The following SUGP2 variants were observed in gnomAD, a reference collection of about 807,000 sequenced individuals.
The protein encoded by SUGP2 is SURP and G-patch domain containing 2.
In SUGP2, 24 loss-of-function variants were observed where a neutral mutation model predicts 90.5. The ratio of observed to expected loss-of-function variants is 0.27; its 90% CI spans 0.19 to 0.37. The LOEUF (loss-of-function observed/expected upper bound fraction) is 0.37. Ranked by LOEUF, SUGP2 falls within the 10% of genes least tolerant of loss-of-function variation. The probability of loss-of-function intolerance (pLI) is 1.00; values close to 1 mark genes in which losing one functional copy is unlikely to be tolerated. For missense variants in SUGP2, 1,233 were observed against 1,363.3 expected (o/e 0.90, Z 1.51); for synonymous variants, 473 against 513.4 (o/e 0.92, Z 1.06).
chr19:19,007,820 C>T (rs1160917559), intron 6 of SUGP2, among the ~76,000 whole-genome samples: 1 of 139,758 alleles, frequency 7.2e-6, no homozygotes, highest in Non-Finnish European at 1.5e-5. Flanking sequence ...AATGCAGTGG[C>T]TCAATCTCAG....
chr19:18,994,374 T>C lies in SUGP2; in HGVS notation c.3241A>G (p.Asn1081Asp). 1 of 1,614,186 alleles carries C rather than the reference T, an allele frequency of 6.2e-7. No individual in the cohort carries two copies. Among genetic ancestry groups the C allele is most frequent in the Non-Finnish European group, 8.5e-7 (1 of 1,180,000 alleles). Residue 1081 changes from asparagine (N) to aspartate (D), a missense_variant, in exon 10 of 11, where the codon AAC (asparagine) becomes GAC (aspartate). Transcript: ENST00000452918. ...MMQMYRHKRA[N>D]K is the part of the protein sequence containing the mutation. Reference sequence around the variant, plus strand: ...CTGGCCTGTGAACATACCTATTTGTTGGCCCGCTTGTGTCTGTACATCTGC... The same window carrying C: ...CTGGCCTGTGAACATACCTATTTGTCGGCCCGCTTGTGTCTGTACATCTGC...
chr19:18,995,353 G>A, intron 8 of SUGP2, 73 bp from the exon 9 acceptor site: 1 of 1,459,322 alleles, frequency 6.9e-7, no homozygotes. Context: ...CCTAGGCTAT[G>A]CCTGGAGCCC....
intron 7 of SUGP2, among the ~76,000 whole-genome samples, 181 bp from the exon 8 acceptor site, chr19:19,001,855 A>C (rs1406019929): frequency 2.6e-5 from 4 of 152,184 alleles, no homozygotes; most frequent in African/African-American, 9.6e-5. Flanking sequence ...TGACCCCTGG[A>C]GTGAGCAGAG....
chr19:18,994,793 G>C, intron 9 of SUGP2: 1 of 526,988 alleles, frequency 1.9e-6, no homozygotes, highest in Non-Finnish European at 3.4e-6. Context: ...TAAACTTTGG[G>C]CCTGTGTTCG....
rs1252392599 is a variant in SUGP2, at chr19:18,993,446, T to G, written c.*295A>C. ...TCAGCACTCACAGGCTGAGGTGCCTTTCGGGGGCAGCGCCACCTTCTGAAG... is the reference window on the plus strand; with the variant it reads ...TCAGCACTCACAGGCTGAGGTGCCTGTCGGGGGCAGCGCCACCTTCTGAAG... On this transcript the variant is annotated 3_prime_UTR_variant, in exon 11 of 11. Transcript: ENST00000452918. 1 of 152,202 alleles carries G rather than the reference T, an allele frequency of 6.6e-6. No individual in the cohort carries two copies. Among genetic ancestry groups the G allele is most frequent in the Non-Finnish European group, 1.5e-5 (1 of 68,036 alleles). The allele number at this position is 152,202 out of a possible 1,614,324, so 9.4% of individuals were successfully genotyped here.
chr19:19,005,175 A>G (rs543460016), intron 6 of SUGP2, among the ~76,000 whole-genome samples: 26 of 152,186 alleles, frequency 1.7e-4, no homozygotes, highest in Admixed American at 1.6e-3. Context: ...GGGCGTGGAG[A>G]TGAGGCCTCT....
At chr19:19,002,015 A>G (rs2057853453) in intron 7 of SUGP2, among the ~76,000 whole-genome samples, 1 of 152,200 alleles carries the variant, frequency 6.6e-6, no homozygotes, top group African/African-American at 2.4e-5. Flanking sequence ...CTACAGAAAT[A>G]TATTTTGCTT....
At position 19,025,552 on chromosome 19, in the gene SUGP2, G is replaced by C. The variant is rs912795078; in HGVS notation, c.796C>G (p.Gln266Glu). 6.2e-7 allele frequency: 1 copy of C among 1,613,902 alleles called. No homozygotes were observed. Among genetic ancestry groups the C allele is most frequent in the African/African-American group, 1.3e-5 (1 of 74,870 alleles). The change falls in exon 3 of 11, where the codon CAG (glutamine) becomes GAG (glutamate). Residue 266 changes from glutamine (Q) to glutamate (E), a missense_variant. By Grantham distance (29) the Gln-to-Glu change is conservative. This residue lies in a region of SUGP2 where 418 missense variants were observed against 399.9 expected (regional missense o/e 1.05). Coordinates refer to ENST00000452918, the MANE Select transcript of SUGP2 (RefSeq NM_001017392.5). ...PTVNRITPKT[Q>E]GTNQIQKNTP... ...TTTTTCTGGATTTGGTTAGTGCCCTGAGTTTTGGGAGTAATACGATTCACG... is the reference window on the plus strand; with the variant it reads ...TTTTTCTGGATTTGGTTAGTGCCCTCAGTTTTGGGAGTAATACGATTCACG...
rs2057445776 is a variant in SUGP2, at chr19:18,993,452, G to A, written c.*289C>T. On this transcript the variant is annotated 3_prime_UTR_variant, in exon 11 of 11. Coordinates refer to ENST00000452918, the MANE Select transcript of SUGP2 (RefSeq NM_001017392.5). ...CTCACAGGCTGAGGTGCCTTTCGGG[G>A]GCAGCGCCACCTTCTGAAGGGGAAC... 6.6e-6 allele frequency: 1 copy of A among 152,240 alleles called. No homozygotes were observed. The highest frequency in any genetic ancestry group is 1.5e-5 in the Non-Finnish European group (1 of 68,050). 9.4% of individuals were successfully genotyped at this position (152,240 alleles called of 1,614,324 possible). A position where few individuals can be genotyped will look rare whatever the true frequency, so the allele number is the denominator to read the frequency against.
chr19:19,009,695 A>G (rs2058228083), intron 5 of SUGP2, among the ~76,000 whole-genome samples, 160 bp downstream of exon 5: 1 of 152,182 alleles, frequency 6.6e-6, no homozygotes, highest in Non-Finnish European at 1.5e-5. Flanking sequence ...CAAGAAAGCA[A>G]GAGAGAAAGC....
At chr19:18,994,279 G>A (rs2057482151) in intron 10 of SUGP2, 87 bp downstream of exon 10, 1 of 1,538,366 alleles carries the variant, frequency 6.5e-7, no homozygotes, top group African/African-American at 1.4e-5. Context: ...GGGGAGCAGG[G>A]AACATCAACT....
At chr19:19,030,453 G>A (rs919779329) in intron 2 of SUGP2, among the ~76,000 whole-genome samples, 1 of 152,228 alleles carries the variant, frequency 6.6e-6, no homozygotes, top group Admixed American at 6.5e-5. Flanking sequence ...GGCGGAGGTT[G>A]CAGTGAGCCA....
chr19:19,010,369 A>G, intron 4 of SUGP2, 27 bp from the exon 5 acceptor site: 1 of 1,594,952 alleles, frequency 6.3e-7, no homozygotes. Flanking sequence ...GCATAACGGG[A>G]CATTTATGAA....
chr19:19,003,969 G>A (rs904425933), intron 7 of SUGP2, among the ~76,000 whole-genome samples, 199 bp downstream of exon 7: 1 of 152,254 alleles, frequency 6.6e-6, no homozygotes, highest in Non-Finnish European at 1.5e-5. Context: ...TAGAGTGCCA[G>A]AAGCCACAGG....
intron 6 of SUGP2, among the ~76,000 whole-genome samples, chr19:19,007,837 G>A (rs1599456808): frequency 7.0e-6 from 1 of 143,002 alleles, no homozygotes; most frequent in Non-Finnish European, 1.5e-5. Flanking sequence ...TCAGCTCACT[G>A]AAACCTCCGC....
chr19:19,006,613 C>A (rs2058086788), intron 6 of SUGP2, among the ~76,000 whole-genome samples: 1 of 152,258 alleles, frequency 6.6e-6, no homozygotes, highest in Admixed American at 6.5e-5. Context: ...AAAAAGGACT[C>A]ATGGGATGCC....
intron 7 of SUGP2, 99 bp downstream of exon 7, chr19:19,004,069 C>G (rs1270690387): frequency 4.1e-6 from 4 of 980,308 alleles, no homozygotes; most frequent in East Asian, 2.5e-5. Context: ...GCACAAAACT[C>G]TTTTGGATTA....
intron 8 of SUGP2, among the ~76,000 whole-genome samples, chr19:18,997,127 C>G (rs544690071): frequency 1.5e-4 from 23 of 152,246 alleles, no homozygotes; most frequent in Admixed American, 1.4e-3. Flanking sequence ...TCATGCAGGC[C>G]TCACGAGGTA....
At chr19:19,015,670 A>ATT (rs1475207630) in intron 4 of SUGP2, among the ~76,000 whole-genome samples, 1 of 151,884 alleles carries the variant, frequency 6.6e-6, no homozygotes, top group African/African-American at 2.4e-5. Context: ...TGCCCAGCTA[A>ATT]TTTTTTGTAT....
Sources: gnomAD v4.1 joint callset for allele counts (sites outside exome capture counted in the v4.1 genomes callset) on GRCh38, gnomAD v4.1.1 for gene constraint, gnomAD v4.1.1 regional missense constraint, MANE v1.5 for transcripts, NCBI Gene and HGNC (gene_info 2026-07-23, HGNC 2026-07-21) for gene names.